DYNC1I1: variants seen among roughly 807,000 people sequenced by gnomAD.
DYNC1I1 encodes the protein cytoplasmic dynein 1 intermediate chain 1.
DYNC1I1 carries 43 observed loss-of-function variants against 86.6 expected under a neutral mutation model. The ratio of observed to expected loss-of-function variants is 0.50; its 90% CI spans 0.39 to 0.64. The LOEUF (loss-of-function observed/expected upper bound fraction) is 0.64, where lower values mean the gene tolerates loss of function less well. DYNC1I1 is among the 30% of genes least tolerant of loss of function. DYNC1I1 has a pLI of 0.00. For missense variants in DYNC1I1, 604 were observed against 788.8 expected, an observed-to-expected ratio of 0.77 and a Z score of 2.81; for synonymous variants, 262 against 283.7, an observed-to-expected ratio of 0.92 and a Z score of 0.77.
At position 95,995,947 on chromosome 7, in the gene DYNC1I1, G is replaced by C; in HGVS notation, c.844-1G>C. On this transcript the variant is annotated splice_acceptor_variant, in intron 9 of 16. Transcript: ENST00000447467. LOFTEE classifies it high-confidence loss of function. ...TCATCCTTGTGACCTCTTCCATTTA[G>C]TACCCTGAGCTGATGGTGGCTTCTT... The C allele has an allele frequency of 6.3e-7, 1 of 1,590,612 alleles. No homozygotes were observed. The highest frequency in any genetic ancestry group is 8.5e-7 in the Non-Finnish European group (1 of 1,172,330).
chr7:96,022,883 A>T (rs2115924653), intron 10 of DYNC1I1, among the ~76,000 whole-genome samples: 1 of 151,694 alleles, frequency 6.6e-6, no homozygotes, highest in African/African-American at 2.4e-5. Context: ...AATAATAATA[A>T]TAATAATATA....
intron 7 of DYNC1I1, among the ~76,000 whole-genome samples, chr7:95,981,004 A>G (rs940087012): frequency 2.0e-5 from 3 of 152,098 alleles, no homozygotes; most frequent in African/African-American, 7.2e-5. Flanking sequence ...TCCTGGCTAC[A>G]TGGGTTTTAT....
chr7:95,811,397 A>C (rs1794827151), intron 3 of DYNC1I1, among the ~76,000 whole-genome samples: 1 of 152,086 alleles, frequency 6.6e-6, no homozygotes, highest in Non-Finnish European at 1.5e-5. Flanking sequence ...TTCTGAAGTT[A>C]ATTCCATAAT....
intron 6 of DYNC1I1, among the ~76,000 whole-genome samples, chr7:95,909,213 TC>T (rs1791257799): frequency 1.5e-5 from 1 of 66,050 alleles, no homozygotes; most frequent in South Asian, 6.2e-4. Flanking sequence ...AGCTGAAAAC[TC>T]TGGAGAAACT....
chr7:95,924,523 T>G (rs1332582688), intron 6 of DYNC1I1, among the ~76,000 whole-genome samples: 3 of 152,200 alleles, frequency 2.0e-5, no homozygotes, highest in Non-Finnish European at 4.4e-5. Flanking sequence ...AAATTTTAAA[T>G]TACATATGTG....
chr7:95,949,539 C>T (rs79621984), intron 6 of DYNC1I1, among the ~76,000 whole-genome samples: 2,568 of 152,270 alleles, frequency 0.017, 88 homozygotes, highest in African/African-American at 0.058. Context: ...AATTGCTTTC[C>T]TGCAAGAAAA....
chr7:95,991,200 A>G (rs1173891462), intron 9 of DYNC1I1, among the ~76,000 whole-genome samples: 1 of 152,220 alleles, frequency 6.6e-6, no homozygotes, highest in African/African-American at 2.4e-5. Context: ...AATAAAATCT[A>G]AAATCATTAG....
chr7:96,107,413 A>G lies in DYNC1I1; in HGVS notation c.1543-2566A>G, dbSNP rs554615124. Among the ~76,000 whole-genome samples, 186 of 152,088 alleles carry G rather than the reference A, an allele frequency of 1.2e-3. 2 individuals carry two copies. Among genetic ancestry groups the G allele is most frequent in the African/African-American group, 4.2e-3 (176 of 41,484 alleles). ...ATATCTTTCTGATAAGTTTATTATT[A>G]TTATGAAATCACCCTCTGGTGTCCT... On this transcript the variant is annotated intron_variant, in intron 16 of 16. Coordinates refer to the DYNC1I1 transcript ENST00000537881.
At chr7:95,819,344 G>A (rs1267494941) in intron 4 of DYNC1I1, among the ~76,000 whole-genome samples, 3 of 152,094 alleles carry the variant, frequency 2.0e-5, no homozygotes, top group Non-Finnish European at 2.9e-5. Context: ...CTGTCTGCAT[G>A]TAGTTACTAC....
At chr7:95,981,233 C>T (rs377437301) in intron 7 of DYNC1I1, among the ~76,000 whole-genome samples, 1 of 151,326 alleles carries the variant, frequency 6.6e-6, no homozygotes, top group Non-Finnish European at 1.5e-5. Context: ...AGGCAGAACC[C>T]AAAAGATATA....
chr7:95,818,749 C>G (rs917025302), intron 4 of DYNC1I1: 87 of 417,232 alleles, frequency 2.1e-4, no homozygotes, highest in Non-Finnish European at 2.0e-4. Context: ...TTTCCACCAC[C>G]AGAGTAGCAC....
At chr7:96,016,677 G>A (rs541577047) in intron 10 of DYNC1I1, among the ~76,000 whole-genome samples, 29 of 152,142 alleles carry the variant, frequency 1.9e-4, no homozygotes, top group African/African-American at 4.8e-4. Flanking sequence ...GCTGATGAAC[G>A]TTATTGCTTC....
At chr7:95,829,642 T>A (rs577759275) in intron 5 of DYNC1I1, among the ~76,000 whole-genome samples, 14 of 152,252 alleles carry the variant, frequency 9.2e-5, no homozygotes, top group Admixed American at 9.2e-4. Context: ...TGTGGAATAG[T>A]TTGGAATTTT....
At chr7:96,041,235 C>A (rs1479968439) in intron 14 of DYNC1I1, among the ~76,000 whole-genome samples, 1 of 152,082 alleles carries the variant, frequency 6.6e-6, no homozygotes, top group East Asian at 1.9e-4. Context: ...AAGATAACAA[C>A]CTCATTTATA....
chr7:95,907,112 T>C (rs773676519), intron 6 of DYNC1I1, among the ~76,000 whole-genome samples: 50 of 152,190 alleles, frequency 3.3e-4, no homozygotes, highest in African/African-American at 9.7e-4. Flanking sequence ...AACATCCGCT[T>C]TGAAATCGGC....
At chr7:95,860,028 C>G (rs1789834585) in intron 5 of DYNC1I1, among the ~76,000 whole-genome samples, 1 of 152,158 alleles carries the variant, frequency 6.6e-6, no homozygotes, top group African/African-American at 2.4e-5. Flanking sequence ...GTGCTACAAC[C>G]AGGTTCTATG....
chr7:95,781,673 C>A (rs1341443318), intron 1 of DYNC1I1, among the ~76,000 whole-genome samples: 1 of 152,182 alleles, frequency 6.6e-6, no homozygotes, highest in Non-Finnish European at 1.5e-5. Context: ...AAAGGCAGAT[C>A]TGGGCAGCAC....
chr7:95,792,128 T>C (rs6963369), intron 1 of DYNC1I1, among the ~76,000 whole-genome samples: 4,869 of 152,288 alleles, frequency 0.032, 252 homozygotes, highest in African/African-American at 0.11. Flanking sequence ...AAATTAGACA[T>C]GGCCCCTGTC....
chr7:95,861,255 A>G (rs1789869492), intron 5 of DYNC1I1, among the ~76,000 whole-genome samples: 1 of 152,094 alleles, frequency 6.6e-6, no homozygotes, highest in Non-Finnish European at 1.5e-5. Context: ...TTCAGAGACC[A>G]TTGCTCAGTG....
Sources: allele counts gnomAD v4.1 joint callset (sites outside exome capture counted in the v4.1 genomes callset), GRCh38; gene constraint gnomAD v4.1.1; transcripts MANE v1.5; gene names NCBI Gene and HGNC (gene_info 2026-07-23, HGNC 2026-07-21).